RIPOR3: variants seen among roughly 807,000 people sequenced by gnomAD.
The protein encoded by RIPOR3 is family with sequence similarity 65 member C.
A neutral mutation model predicts 114.3 loss-of-function variants in RIPOR3; 95 were observed. The ratio of observed to expected loss-of-function variants is 0.83; its 90% CI spans 0.70 to 0.99. RIPOR3 has a LOEUF of 0.99. Among genes scored for constraint, RIPOR3 ranks in the 50% least tolerant of loss-of-function variants. The pLI is 0.00. For synonymous variants in RIPOR3, 575 were observed against 543.8 expected (o/e 1.06, Z -0.80); for missense variants, 1,252 against 1,266.9 (o/e 0.99, Z 0.18).
chr20:50,643,361 T>C (rs1236666728), intron 1 of RIPOR3, among the ~76,000 whole-genome samples: 2 of 148,846 alleles, frequency 1.3e-5, no homozygotes, highest in Admixed American at 1.3e-4. Context: ...GGTCTCAAAC[T>C]CCTGACCTCA....
At chr20:50,636,613 C>G in intron 1 of RIPOR3, 3 of 985,672 alleles carry the variant, frequency 3.0e-6, no homozygotes, top group Non-Finnish European at 3.6e-6. Flanking sequence ...CTCTTCTACT[C>G]CGTGTCCCTC....
At chr20:50,594,432 G>A (rs888942516) in intron 17 of RIPOR3, 121 bp downstream of exon 17, 1 of 1,206,424 alleles carries the variant, frequency 8.3e-7, no homozygotes, top group Non-Finnish European at 1.2e-6. Flanking sequence ...CCGTCCGATG[G>A]CATGAAGACA....
At chr20:50,675,836 C>T (rs1354353198) in intron 1 of RIPOR3, among the ~76,000 whole-genome samples, 1 of 152,228 alleles carries the variant, frequency 6.6e-6, no homozygotes, top group Admixed American at 6.5e-5. Context: ...AATGTCTGCT[C>T]ATTCATTTGT....
rs567864062 is a variant in RIPOR3, at chr20:50,615,642, A to G, written c.348+360T>C. On this transcript the variant is annotated intron_variant, in intron 4 of 21. Coordinates refer to ENST00000327979, the MANE Select transcript of RIPOR3 (RefSeq NM_001290268.2). Reference sequence around the variant, plus strand: ...AAGGACAGCGGCAGAGGCCACTGTGACATACCCAAGATGTGACACCTGACC... The same window carrying G: ...AAGGACAGCGGCAGAGGCCACTGTGGCATACCCAAGATGTGACACCTGACC... Among the ~76,000 whole-genome samples, 18 of 152,220 alleles carry G rather than the reference A, an allele frequency of 1.2e-4. No individual in the cohort carries two copies. In the South Asian group the frequency reaches 3.7e-3, roughly 32 times the overall value.
chr20:50,670,810 G>GT (rs1356876093), intron 1 of RIPOR3, among the ~76,000 whole-genome samples: 1 of 152,202 alleles, frequency 6.6e-6, no homozygotes, highest in East Asian at 1.9e-4. Context: ...GGAAGGACAG[G>GT]TTTTAAGTCA....
intron 1 of RIPOR3, among the ~76,000 whole-genome samples, chr20:50,633,585 G>A (rs1401000636): frequency 6.6e-6 from 1 of 152,066 alleles, no homozygotes; most frequent in Non-Finnish European, 1.5e-5. Flanking sequence ...GACGTACTCC[G>A]GAGCCAGCCT....
At chr20:50,640,987 G>A (rs542722971) in intron 1 of RIPOR3, among the ~76,000 whole-genome samples, 5 of 146,494 alleles carry the variant, frequency 3.4e-5, no homozygotes, top group South Asian at 2.2e-4. Flanking sequence ...TCGGCTCACC[G>A]CAACATCTGC....
intron 1 of RIPOR3, among the ~76,000 whole-genome samples, chr20:50,644,676 C>CTTTTTTTTTT (rs61225138): frequency 8.0e-5 from 6 of 74,612 alleles, no homozygotes; most frequent in Non-Finnish European, 1.2e-4. Context: ...TTTTTGTTTG[C>CTTTTTTTTTT]TTTTTTTTTT....
At chr20:50,687,300 C>T (rs967494141) in intron 1 of RIPOR3, among the ~76,000 whole-genome samples, 1 of 152,236 alleles carries the variant, frequency 6.6e-6, no homozygotes, top group Non-Finnish European at 1.5e-5. Context: ...TCTCTGCATC[C>T]ACTCCAGTGC....
intron 1 of RIPOR3, among the ~76,000 whole-genome samples, chr20:50,681,200 G>A (rs1343778610): frequency 7.7e-6 from 1 of 130,046 alleles, no homozygotes; most frequent in African/African-American, 2.9e-5. Context: ...ACTCCAGCCT[G>A]GGCGACAAAG....
intron 1 of RIPOR3, chr20:50,661,922 T>C (rs1414027177): frequency 6.6e-6 from 1 of 152,436 alleles, no homozygotes; most frequent in Non-Finnish European, 1.5e-5. Flanking sequence ...ATGGGGCTGA[T>C]GGGCTCCAGG....
At position 50,616,039 on chromosome 20, in the gene RIPOR3, G is replaced by C. The variant is rs373108831; in HGVS notation, c.311C>G (p.Ser104Cys). ...CVQQAELDHL[S>C]GRHKDTRRNS... ...CCTCCTGGTGTCTTTGTGGCGTCCAGACAGGTGGTCCAGCTCAGCCTGCTG... is the reference window on the plus strand; with the variant it reads ...CCTCCTGGTGTCTTTGTGGCGTCCACACAGGTGGTCCAGCTCAGCCTGCTG... Residue 104 changes from serine (S) to cysteine (C), a missense_variant, in exon 4 of 22, where the codon TCT becomes TGT. Coordinates refer to ENST00000327979, the MANE Select transcript of RIPOR3 (RefSeq NM_001290268.2). 7.6e-5 allele frequency: 122 copies of C among 1,611,664 alleles called. No homozygotes were observed. The highest frequency in any genetic ancestry group is 1.0e-4 in the Non-Finnish European group (118 of 1,179,208).
intron 1 of RIPOR3, chr20:50,636,814 G>A (rs939468872): frequency 1.8e-5 from 18 of 985,310 alleles, no homozygotes; most frequent in African/African-American, 1.2e-4. Context: ...GCTGCCCTGC[G>A]TCTCCTCCCC....
intron 11 of RIPOR3, among the ~76,000 whole-genome samples, chr20:50,605,106 T>C (rs1291654539): frequency 1.3e-5 from 2 of 152,188 alleles, no homozygotes; most frequent in Non-Finnish European, 2.9e-5. Flanking sequence ...AATTTATTTT[T>C]ATTTTTTGTA....
chr20:50,627,847 G>A (rs1489610652), intron 2 of RIPOR3, among the ~76,000 whole-genome samples: 1 of 152,214 alleles, frequency 6.6e-6, no homozygotes, highest in Non-Finnish European at 1.5e-5. Flanking sequence ...AAAGTACAGA[G>A]CACAGGCTAC....
intron 1 of RIPOR3, among the ~76,000 whole-genome samples, chr20:50,668,181 C>T (rs2086324149): frequency 6.6e-6 from 1 of 152,178 alleles, no homozygotes; most frequent in African/African-American, 2.4e-5. Context: ...AGAGACAGAT[C>T]TCTTTTTCGC....
intron 20 of RIPOR3, among the ~76,000 whole-genome samples, chr20:50,588,576 A>G (rs1319916227): frequency 1.3e-5 from 2 of 152,194 alleles, no homozygotes; most frequent in Non-Finnish European, 2.9e-5. Flanking sequence ...AATTGGGTCT[A>G]GCCTAAGGAA....
chr20:50,610,110 CA>C, intron 6 of RIPOR3, among the ~76,000 whole-genome samples: 1 of 140,582 alleles, frequency 7.1e-6, no homozygotes, highest in African/African-American at 2.9e-5. Context: ...ACCCCTGCCT[CA>C]CCTGCCACCC....
At chr20:50,628,486 C>T (rs62202776) in intron 2 of RIPOR3, among the ~76,000 whole-genome samples, 23,919 of 152,032 alleles carry the variant, frequency 0.16, 2,199 homozygotes, top group Middle Eastern at 0.2. Flanking sequence ...CTCCCGCCGC[C>T]GAAGGCTTCC....
Sources: gnomAD v4.1 joint callset for allele counts (sites outside exome capture counted in the v4.1 genomes callset) on GRCh38, gnomAD v4.1.1 for gene constraint, MANE v1.5 for transcripts, NCBI Gene and HGNC (gene_info 2026-07-23, HGNC 2026-07-21) for gene names.